ZNF367: variants seen among roughly 807,000 people sequenced by gnomAD.
ZNF367 encodes the protein zinc finger protein 367.
In ZNF367, 11 loss-of-function variants were observed where a neutral mutation model predicts 31.8. That is an observed-to-expected ratio of 0.35 (90% CI 0.22 to 0.57). The LOEUF is 0.57. Ranked by LOEUF, ZNF367 falls within the 20% of genes least tolerant of loss-of-function variation. The pLI is 0.85. For synonymous variants in ZNF367, 199 were observed against 202.4 expected (o/e 0.98, Z 0.14); for missense variants, 353 against 484.1 (o/e 0.73, Z 2.54).
intron 1 of ZNF367, among the ~76,000 whole-genome samples, chr9:96,415,743 C>A (rs1831818567): frequency 6.6e-6 from 1 of 151,990 alleles, no homozygotes; most frequent in Non-Finnish European, 1.5e-5. Flanking sequence ...AGGTGATCCA[C>A]CCGCCTCAGC....
At chr9:96,402,444 CTTTTTTTTTTTT>C (rs1174997133) in intron 1 of ZNF367, among the ~76,000 whole-genome samples, 19 of 66,082 alleles carry the variant, frequency 2.9e-4, no homozygotes, top group African/African-American at 1.2e-3. Flanking sequence ...TTCTTTCTTT[CTTTTTTTTTTTT>C]TTTTTTTTTT....
At chr9:96,404,380 G>A (rs1282993897) in intron 1 of ZNF367, among the ~76,000 whole-genome samples, 4 of 151,900 alleles carry the variant, frequency 2.6e-5, no homozygotes, top group Non-Finnish European at 4.4e-5. Context: ...GGATTACGAG[G>A]TCAAGAGATC....
intron 2 of ZNF367, among the ~76,000 whole-genome samples, chr9:96,397,422 C>T (rs1831546555): frequency 6.6e-6 from 1 of 152,076 alleles, no homozygotes; most frequent in Non-Finnish European, 1.5e-5. Flanking sequence ...TAGTTCACCA[C>T]AGATTTAATG....
chr9:96,396,302 G>C (rs1831529859), intron 2 of ZNF367, among the ~76,000 whole-genome samples: 1 of 152,022 alleles, frequency 6.6e-6, no homozygotes, highest in South Asian at 2.1e-4. Flanking sequence ...AGAATATTTA[G>C]ATTGAAAAAA....
rs1048892345 is a variant in ZNF367 at position 96,387,827 on chromosome 9, T to C, written c.*410A>G. 6.2e-6 allele frequency: 1 copy of C among 162,122 alleles called. No individual in the cohort carries two copies. The allele number at this position is 162,122 out of a possible 1,614,324, so 10.0% of individuals were successfully genotyped here. On this transcript the variant is annotated 3_prime_UTR_variant, in exon 5 of 5. Transcript: ENST00000375256. ...TTTACAGTATTGTTAAACATACTAATATATATTGTTAAAAATGATCTTATA... is the reference window on the plus strand; with the variant it reads ...TTTACAGTATTGTTAAACATACTAACATATATTGTTAAAAATGATCTTATA...
At chr9:96,416,558 T>C (rs1259349318) in intron 1 of ZNF367, among the ~76,000 whole-genome samples, 1 of 152,200 alleles carries the variant, frequency 6.6e-6, no homozygotes, top group Non-Finnish European at 1.5e-5. Context: ...GCATGTAAAA[T>C]GATCAAACTC....
Position 96,417,216 on chromosome 9 carries a change from A to G in ZNF367, c.420+397T>C, listed in dbSNP as rs1213330886. Among the ~76,000 whole-genome samples the G allele has an allele frequency of 6.6e-6, 1 of 152,144 alleles. No homozygotes were observed. The highest frequency in any genetic ancestry group is 2.4e-5 in the African/African-American group (1 of 41,438). On this transcript the variant is annotated intron_variant, in intron 1 of 4. Transcript: ENST00000375256. This position sits in a 1 kb window ranked among gnomAD's most constrained non-coding sequence, Gnocchi z 5.0. ...AACAGGGCGAGGGCGATCTGCAGTA[A>G]TGGAGCAAACACTGTGCGCTCCCTG...
At chr9:96,392,699 G>A (rs1357049238) in intron 3 of ZNF367, among the ~76,000 whole-genome samples, 163 bp from the exon 4 acceptor site, 1 of 152,242 alleles carries the variant, frequency 6.6e-6, no homozygotes, top group Non-Finnish European at 1.5e-5. Flanking sequence ...AGTCTCATCA[G>A]TGCTAGAGCG....
intron 4 of ZNF367, among the ~76,000 whole-genome samples, chr9:96,389,246 GC>G (rs1321886365): frequency 6.6e-6 from 1 of 151,196 alleles, no homozygotes; most frequent in Non-Finnish European, 1.5e-5. Context: ...GTTGCAGCAA[GC>G]TGAAGTCGGG....
chr9:96,389,754 G>A (rs1831448281), intron 4 of ZNF367, among the ~76,000 whole-genome samples: 2 of 152,000 alleles, frequency 1.3e-5, no homozygotes, highest in South Asian at 4.1e-4. Flanking sequence ...TTTCGAGACA[G>A]AGTCTCACTT....
chr9:96,389,862 T>C (rs1831449037), intron 4 of ZNF367, among the ~76,000 whole-genome samples: 1 of 151,520 alleles, frequency 6.6e-6, no homozygotes, highest in African/African-American at 2.4e-5. Flanking sequence ...CCTGAGTAGC[T>C]GGAATTATAG....
chr9:96,396,760 C>T (rs908935061), intron 2 of ZNF367, among the ~76,000 whole-genome samples: 2 of 151,982 alleles, frequency 1.3e-5, no homozygotes, highest in African/African-American at 2.4e-5. Flanking sequence ...CTCCACCTCC[C>T]GGGTTCAAGT....
intron 1 of ZNF367, among the ~76,000 whole-genome samples, chr9:96,399,428 G>A (rs1025025169): frequency 5.3e-5 from 8 of 152,138 alleles, no homozygotes; most frequent in Admixed American, 3.3e-4. Context: ...ACTCAGGTGG[G>A]AGGATCACTT....
At chr9:96,401,611 C>T (rs1308584957) in intron 1 of ZNF367, among the ~76,000 whole-genome samples, 1 of 146,586 alleles carries the variant, frequency 6.8e-6, no homozygotes, top group Non-Finnish European at 1.5e-5. Flanking sequence ...GAGCCAAGAT[C>T]GCACCATTGC....
At chr9:96,394,318 C>A (rs978331033) in intron 3 of ZNF367, among the ~76,000 whole-genome samples, 1 of 152,048 alleles carries the variant, frequency 6.6e-6, no homozygotes, top group Non-Finnish European at 1.5e-5. Context: ...GACAGTAGAA[C>A]AATGGTGCCC....
At position 96,388,339 on chromosome 9, in the gene ZNF367, C is replaced by A; in HGVS notation, c.951G>T (p.Lys317Asn). 1 of 1,613,026 alleles carries A rather than the reference C, an allele frequency of 6.2e-7. No individual in the cohort carries two copies. The highest frequency in any genetic ancestry group is 8.5e-7 in the Non-Finnish European group (1 of 1,180,024). Residue 317 changes from lysine (K) to asparagine (N), a missense_variant, in exon 5 of 5, where the codon AAG (lysine) becomes AAT (asparagine). By Grantham distance (94) the Lys-to-Asn change is moderately conservative. This residue lies in a region of ZNF367 where 101 missense variants were observed against 140.0 expected (regional missense o/e 0.72). Transcript: ENST00000375256. ...CCTGCAGCCGGCGCTGGGCCCCTCT[C>A]TTCTCGTCGTCCTCTTCATCAGACT... The part of the protein sequence containing the change: ...YLQSDEEDDE[K>N]RGAQRRLQEQ...
intron 1 of ZNF367, chr9:96,407,254 G>A (rs1437700685): frequency 9.5e-6 from 12 of 1,263,070 alleles, no homozygotes; most frequent in Non-Finnish European, 1.2e-5. Context: ...CACCCCAGGG[G>A]CTGCTCCTGG....
At chr9:96,410,194 A>G (rs1831724967) in intron 1 of ZNF367, among the ~76,000 whole-genome samples, 1 of 148,788 alleles carries the variant, frequency 6.7e-6, no homozygotes, top group Non-Finnish European at 1.5e-5. Flanking sequence ...TGGGAGGCGG[A>G]GGTTGCAGTG....
At chr9:96,412,186 AGT>A (rs1243796241) in intron 1 of ZNF367, among the ~76,000 whole-genome samples, 1 of 152,244 alleles carries the variant, frequency 6.6e-6, no homozygotes, top group Non-Finnish European at 1.5e-5. Flanking sequence ...ACAATTACAG[AGT>A]GTTACACTCA....
Sources: gnomAD v4.1 joint callset for allele counts (sites outside exome capture counted in the v4.1 genomes callset) on GRCh38, gnomAD v4.1.1 for gene constraint, gnomAD v4.1.1 regional missense constraint, Gnocchi (gnomAD v3.1) non-coding constraint, MANE v1.5 for transcripts, NCBI Gene and HGNC (gene_info 2026-07-23, HGNC 2026-07-21) for gene names.